The following THADA variants were observed in gnomAD, a reference collection of about 807,000 sequenced individuals.
THADA encodes THADA armadillo repeat containing, also known as tRNA (32-2'-O)-methyltransferase regulator THADA.
Under a neutral mutation model 219.8 loss-of-function variants are expected in THADA, and 213 were observed. The ratio of observed to expected loss-of-function variants is 0.97; its 90% CI spans 0.87 to 1.09. The LOEUF (loss-of-function observed/expected upper bound fraction) is 1.09, where lower values mean the gene tolerates loss of function less well. Ranked by LOEUF, THADA falls within the 50% of genes least tolerant of loss-of-function variation. The probability of loss-of-function intolerance (pLI) is 0.00; values close to 1 mark genes in which losing one functional copy is unlikely to be tolerated. For missense variants in THADA, 2,956 were observed against 2,311.3 expected, an observed-to-expected ratio of 1.28 and a Z score of -5.72; for synonymous variants, 1,018 against 828.9, an observed-to-expected ratio of 1.23 and a Z score of -3.92.
intron 30 of THADA, among the ~76,000 whole-genome samples, chr2:43,327,500 G>C (rs1297704578): frequency 1.3e-5 from 2 of 151,994 alleles, no homozygotes; most frequent in African/African-American, 2.4e-5. Flanking sequence ...TAGAAGAATG[G>C]GAGAGGGAAA....
chr2:43,441,211 C>A (rs140346765), intron 26 of THADA, among the ~76,000 whole-genome samples: 68 of 152,302 alleles, frequency 4.5e-4, no homozygotes, highest in Non-Finnish European at 5.6e-4. Context: ...TTCAAGCACT[C>A]TGAGCATACA....
intron 26 of THADA, among the ~76,000 whole-genome samples, chr2:43,434,813 G>T (rs1679856006): frequency 1.3e-5 from 2 of 152,220 alleles, no homozygotes; most frequent in Admixed American, 6.5e-5. Context: ...GATACAGAAA[G>T]CCCTCTGTCC....
In THADA at chr2:43,591,940, A is replaced by G; in HGVS notation, c.171+12T>C. The G allele has an allele frequency of 2.0e-6, 3 of 1,494,978 alleles. No homozygotes were observed. The highest frequency in any genetic ancestry group is 2.7e-6 in the Non-Finnish European group (3 of 1,116,246). The allele number at this position is 1,494,978 out of a possible 1,614,324, so 92.6% of individuals were successfully genotyped here. The stretch of plus-strand genomic sequence containing the variant: ...CTTAAAGATGCATCCATGAATATCA[A>G]TTCAGACTTACCTGTTTAATATAAT... On this transcript the variant is annotated intron_variant, in intron 3 of 37. Coordinates refer to ENST00000405975, the MANE Select transcript of THADA (RefSeq NM_022065.5).
At chr2:43,261,889 G>A (rs1195170703) in intron 36 of THADA, among the ~76,000 whole-genome samples, 3 of 152,014 alleles carry the variant, frequency 2.0e-5, no homozygotes, top group Admixed American at 6.6e-5. Flanking sequence ...CACTCGCCTC[G>A]GCCTCCCAAA....
intron 31 of THADA, among the ~76,000 whole-genome samples, chr2:43,316,581 C>T (rs1678104038): frequency 6.6e-6 from 1 of 152,124 alleles, no homozygotes; most frequent in Non-Finnish European, 1.5e-5. Flanking sequence ...GAGGTGAACA[C>T]AATGCTGCAC....
chr2:43,434,158 T>C (rs528138609), intron 26 of THADA, among the ~76,000 whole-genome samples: 20 of 152,264 alleles, frequency 1.3e-4, no homozygotes, highest in Admixed American at 9.2e-4. Flanking sequence ...TAAAATAGCA[T>C]AGAAAGCACA....
At chr2:43,237,415 T>TC (rs1315563575) in intron 36 of THADA, among the ~76,000 whole-genome samples, 4 of 150,486 alleles carry the variant, frequency 2.7e-5, no homozygotes, top group African/African-American at 7.3e-5. Context: ...TTTTTTTTTT[T>TC]CTGAGATGGA....
At chr2:43,593,778 C>T (rs1052096463) in intron 1 of THADA, among the ~76,000 whole-genome samples, 19 of 151,938 alleles carry the variant, frequency 1.3e-4, no homozygotes, top group Non-Finnish European at 5.9e-5. Flanking sequence ...GGACTACAGG[C>T]GCCCGCCACC....
intron 9 of THADA, among the ~76,000 whole-genome samples, chr2:43,578,088 T>C (rs550476399): frequency 2.0e-5 from 3 of 152,120 alleles, no homozygotes; most frequent in African/African-American, 7.2e-5. Flanking sequence ...CAGAAAAAGG[T>C]CATCAGAAGG....
At position 43,545,573 on chromosome 2, in the gene THADA, G is replaced by T. The variant is rs1695915036; in HGVS notation, c.3106+3637C>A. 2.0e-5 allele frequency among the ~76,000 whole-genome samples: 3 copies of T among 152,204 alleles called. No individual in the cohort carries two copies. In the South Asian group the frequency reaches 6.2e-4, roughly 32 times the overall value. On this transcript the variant is annotated intron_variant, in intron 20 of 37. Transcript: ENST00000405975. ...AGAGCCTGCTATTGGTCTATTCAGA[G>T]ATTCAAGTTCTTCCTGGTTTAGTCG...
intron 36 of THADA, chr2:43,233,118 G>C: frequency 1.9e-6 from 1 of 516,822 alleles, no homozygotes; most frequent in East Asian, 3.0e-5. Flanking sequence ...CCCTAACTCA[G>C]TGTGGACAGA....
At chr2:43,353,217 T>G (rs114057864) in intron 29 of THADA, among the ~76,000 whole-genome samples, 1 of 152,256 alleles carries the variant, frequency 6.6e-6, no homozygotes, top group Non-Finnish European at 1.5e-5. Flanking sequence ...CTGGGTCTTA[T>G]GATGGTTCTA....
At chr2:43,448,461 C>T (rs1681860984) in intron 26 of THADA, among the ~76,000 whole-genome samples, 1 of 151,828 alleles carries the variant, frequency 6.6e-6, no homozygotes, top group Non-Finnish European at 1.5e-5. Flanking sequence ...CATAGGCAGG[C>T]AGCCATTGTT....
intron 26 of THADA, among the ~76,000 whole-genome samples, chr2:43,472,972 TG>T (rs1163717973): frequency 4.6e-5 from 7 of 152,162 alleles, no homozygotes; most frequent in Non-Finnish European, 1.0e-4. Context: ...CCTGCAGGAC[TG>T]GAAGTTGTTC....
At chr2:43,270,426 C>T (rs1671992289) in intron 36 of THADA, among the ~76,000 whole-genome samples, 1 of 152,138 alleles carries the variant, frequency 6.6e-6, no homozygotes, top group Non-Finnish European at 1.5e-5. Flanking sequence ...AGCTCTGGTC[C>T]CCAACCCATT....
At chr2:43,423,435 CTTTTT>C (rs34481568) in intron 28 of THADA, among the ~76,000 whole-genome samples, 1 of 142,192 alleles carries the variant, frequency 7.0e-6, no homozygotes, top group Non-Finnish European at 1.5e-5. Context: ...TTCTTTCTTT[CTTTTT>C]TTTTTTTTTT....
chr2:43,476,734 CAG>C (rs1172945606), intron 26 of THADA, among the ~76,000 whole-genome samples: 3 of 152,190 alleles, frequency 2.0e-5, no homozygotes, highest in Non-Finnish European at 2.9e-5. Context: ...ACCCCACAAA[CAG>C]ATACATATAT....
At chr2:43,520,166 C>T (rs1225597701) in intron 22 of THADA, among the ~76,000 whole-genome samples, 1 of 152,180 alleles carries the variant, frequency 6.6e-6, no homozygotes, top group African/African-American at 2.4e-5. Flanking sequence ...TAGTCACCAA[C>T]CACAGCTATG....
intron 31 of THADA, among the ~76,000 whole-genome samples, chr2:43,311,921 G>A (rs796264634): frequency 2.9e-4 from 44 of 152,302 alleles, no homozygotes; most frequent in African/African-American, 9.4e-4. Context: ...AGATGTGGCC[G>A]GTCATGGTGG....
Sources: allele counts gnomAD v4.1 joint callset (sites outside exome capture counted in the v4.1 genomes callset), GRCh38; gene constraint gnomAD v4.1.1; transcripts MANE v1.5; gene names NCBI Gene and HGNC (gene_info 2026-07-23, HGNC 2026-07-21).